The following TANC1 variants were observed in gnomAD, a reference collection of about 807,000 sequenced individuals.
TANC1 encodes the protein protein TANC1.
A neutral mutation model predicts 149.7 loss-of-function variants in TANC1; 77 were observed. The observed-to-expected ratio is 0.51, with a 90% CI of 0.43 to 0.62. The LOEUF is 0.62. Among genes scored for constraint, TANC1 ranks in the 20% least tolerant of loss-of-function variants. The probability of loss-of-function intolerance (pLI) is 0.00; values close to 1 mark genes in which losing one functional copy is unlikely to be tolerated. For missense variants in TANC1, 1,985 were observed against 2,321.8 expected (o/e 0.85, Z 2.98); for synonymous variants, 854 against 925.0 (o/e 0.92, Z 1.39).
intron 26 of TANC1, 44 bp from the exon 27 acceptor site, chr2:159,229,534 G>C: frequency 6.9e-7 from 1 of 1,443,998 alleles, no homozygotes; most frequent in Non-Finnish European, 9.6e-7. Context: ...CTCTGAGCAT[G>C]TTCGTGTGTG....
intron 1 of TANC1, among the ~76,000 whole-genome samples, chr2:158,975,063 T>C (rs1438427215): frequency 2.0e-5 from 3 of 152,092 alleles, no homozygotes; most frequent in Admixed American, 6.6e-5. Flanking sequence ...CTTCATACTT[T>C]AAATCATCTC....
chr2:159,187,937 C>G (rs192257522), intron 16 of TANC1, among the ~76,000 whole-genome samples: 78 of 152,268 alleles, frequency 5.1e-4, no homozygotes, highest in Non-Finnish European at 8.8e-4. Flanking sequence ...CTGTTGAGTA[C>G]AAGTTTTTAA....
At chr2:159,086,216 AT>A (rs5835733) in intron 3 of TANC1, among the ~76,000 whole-genome samples, 57 of 148,048 alleles carry the variant, frequency 3.9e-4, no homozygotes, top group East Asian at 1.6e-3. Flanking sequence ...GTGTATTTGG[AT>A]TTTTTTTTTT....
chr2:159,142,970 G>A (rs897744508), intron 5 of TANC1, among the ~76,000 whole-genome samples: 1 of 151,192 alleles, frequency 6.6e-6, no homozygotes, highest in African/African-American at 2.4e-5. Flanking sequence ...GGCTGAGGCA[G>A]GAGAATTGCT....
intron 3 of TANC1, among the ~76,000 whole-genome samples, chr2:159,081,248 A>G (rs1319092249): frequency 6.6e-6 from 1 of 152,188 alleles, no homozygotes; most frequent in East Asian, 1.9e-4. Flanking sequence ...TCCACATTCA[A>G]AATGTATAGT....
intron 19 of TANC1, among the ~76,000 whole-genome samples, chr2:159,216,616 T>C (rs1051493078): frequency 3.9e-5 from 6 of 152,184 alleles, no homozygotes; most frequent in Admixed American, 3.9e-4. Context: ...ATGCCCAGGC[T>C]GACGGGAGGG....
rs1449883355 is a variant in TANC1 at position 159,022,748 on chromosome 2, C to T, written c.-16+21559C>T. Among the ~76,000 whole-genome samples the T allele has an allele frequency of 1.3e-5, 2 of 151,974 alleles. 1 individual carries two copies. The highest frequency in any genetic ancestry group is 2.9e-5 in the Non-Finnish European group (2 of 67,984). ...GCAAGACCCTGTTTTTGAAAAATAACATAAAAAATAGAAGTGGAGGTGGCC... is the reference window on the plus strand; with the variant it reads ...GCAAGACCCTGTTTTTGAAAAATAATATAAAAAATAGAAGTGGAGGTGGCC... On this transcript the variant is annotated intron_variant, in intron 2 of 26. Transcript: ENST00000263635.
chr2:159,208,753 G>GA (rs1268768614), intron 19 of TANC1, among the ~76,000 whole-genome samples: 1 of 152,204 alleles, frequency 6.6e-6, no homozygotes, highest in African/African-American at 2.4e-5. Flanking sequence ...AAACAATAAG[G>GA]AAGGTGTTCA....
chr2:158,975,655 C>T (rs1265204186), intron 1 of TANC1, among the ~76,000 whole-genome samples: 8 of 151,176 alleles, frequency 5.3e-5, no homozygotes, highest in Non-Finnish European at 7.4e-5. Flanking sequence ...AGGCTCGTCT[C>T]GAACTCCTGG....
intron 14 of TANC1, 79 bp from the exon 15 acceptor site, chr2:159,185,712 T>G: frequency 5.5e-6 from 5 of 902,400 alleles, no homozygotes; most frequent in Non-Finnish European, 7.1e-6. Flanking sequence ...ACTAAGGCAA[T>G]GGGTGGTGAA....
intron 4 of TANC1, among the ~76,000 whole-genome samples, chr2:159,106,063 T>G (rs559246482): frequency 6.6e-6 from 1 of 152,304 alleles, no homozygotes; most frequent in South Asian, 2.1e-4. Context: ...CCAGTCAAAT[T>G]TATGTATTTT....
chr2:159,169,172 G>A (rs1225044392), intron 8 of TANC1, 78 bp from the exon 9 acceptor site: 2 of 1,189,420 alleles, frequency 1.7e-6, no homozygotes, highest in Non-Finnish European at 2.4e-6. Flanking sequence ...ATTGCTTAGT[G>A]ATTTATAAGT....
intron 1 of TANC1, among the ~76,000 whole-genome samples, chr2:158,977,680 A>G (rs1019439619): frequency 3.3e-5 from 5 of 151,198 alleles, no homozygotes; most frequent in African/African-American, 2.4e-5. Flanking sequence ...AATTTAAGTC[A>G]CTTAGAGTTA....
intron 15 of TANC1, among the ~76,000 whole-genome samples, chr2:159,186,134 A>G (rs1421507544): frequency 6.6e-6 from 1 of 152,194 alleles, no homozygotes. Flanking sequence ...TGCTGTGCTT[A>G]AGTTTTACTT....
intron 2 of TANC1, among the ~76,000 whole-genome samples, chr2:159,037,734 A>G (rs1224969557): frequency 6.6e-6 from 1 of 152,210 alleles, no homozygotes; most frequent in African/African-American, 2.4e-5. Flanking sequence ...TGGTACCAGT[A>G]CCATGCTGTT....
intron 2 of TANC1, among the ~76,000 whole-genome samples, chr2:159,019,184 C>T (rs2038565170): frequency 6.6e-6 from 1 of 152,162 alleles, no homozygotes; most frequent in Admixed American, 6.5e-5. Flanking sequence ...TGCTCCAGAG[C>T]CCAAGCTCCT....
intron 19 of TANC1, among the ~76,000 whole-genome samples, chr2:159,215,116 A>AGG (rs1342935177): frequency 6.6e-6 from 1 of 152,314 alleles, no homozygotes; most frequent in African/African-American, 2.4e-5. Flanking sequence ...AGGATGGAGA[A>AGG]GGGGATGCTT....
At chr2:159,048,540 A>G (rs769111620) in intron 2 of TANC1, among the ~76,000 whole-genome samples, 1 of 152,274 alleles carries the variant, frequency 6.6e-6, no homozygotes, top group South Asian at 2.1e-4. Context: ...AATTGTGGGA[A>G]TTGATCATTT....
chr2:159,108,777 T>C (rs2047435616), intron 4 of TANC1, among the ~76,000 whole-genome samples: 1 of 152,016 alleles, frequency 6.6e-6, no homozygotes, highest in Non-Finnish European at 1.5e-5. Context: ...GAAACTAAGA[T>C]GAACACAGAG....
Sources: gnomAD v4.1 joint callset for allele counts (sites outside exome capture counted in the v4.1 genomes callset) on GRCh38, gnomAD v4.1.1 for gene constraint, MANE v1.5 for transcripts, NCBI Gene and HGNC (gene_info 2026-07-23, HGNC 2026-07-21) for gene names.